The following ENTREP2 variants were observed in gnomAD, a reference collection of about 807,000 sequenced individuals.
ENTREP2 encodes the protein protein ENTREP2.
the ENTREP2 span, among the ~76,000 whole-genome samples, chr15:29,611,820 C>T: frequency 6.6e-6 from 1 of 152,194 alleles, no homozygotes; most frequent in Non-Finnish European, 1.5e-5. Context: ...TCGCATCATT[C>T]AGGAAGCTTC....
At chr15:29,169,290 A>T in the ENTREP2 span, among the ~76,000 whole-genome samples, 1 of 152,238 alleles carries the variant, frequency 6.6e-6, no homozygotes, top group African/African-American at 2.4e-5. Flanking sequence ...GGAATGAAGA[A>T]AATAAACAAG....
At chr15:29,551,693 TAAAAA>T in the ENTREP2 span, among the ~76,000 whole-genome samples, 1 of 144,198 alleles carries the variant, frequency 6.9e-6, no homozygotes, top group African/African-American at 2.6e-5. Context: ...AATGCCTATT[TAAAAA>T]AAAAAAAAAG....
At chr15:29,344,931 G>GAC in the ENTREP2 span, among the ~76,000 whole-genome samples, 24,013 of 142,480 alleles carry the variant, frequency 0.17, 1,860 homozygotes, top group African/African-American at 0.18. Context: ...CACGCGCGCA[G>GAC]ACACACACAC....
At chr15:29,565,685 C>T in the ENTREP2 span, among the ~76,000 whole-genome samples, 5 of 152,184 alleles carry the variant, frequency 3.3e-5, no homozygotes, top group African/African-American at 1.2e-4. Context: ...ATTTTCCGGC[C>T]GGGTGCGGTG....
chr15:29,410,648 C>T, the ENTREP2 span, among the ~76,000 whole-genome samples: 2 of 152,320 alleles, frequency 1.3e-5, no homozygotes, highest in East Asian at 3.9e-4. Flanking sequence ...GCTAGTCCTG[C>T]TCTCAGTCTG....
chr15:29,132,236 G>C, the ENTREP2 span, among the ~76,000 whole-genome samples: 1 of 152,242 alleles, frequency 6.6e-6, no homozygotes, highest in Non-Finnish European at 1.5e-5. Flanking sequence ...TTGCTGTCTA[G>C]TCAGAGGGGC....
chr15:29,628,626 C>A, the ENTREP2 span, among the ~76,000 whole-genome samples: 913 of 152,280 alleles, frequency 6.0e-3, 9 homozygotes, highest in African/African-American at 0.021. Context: ...AAGTACCCAA[C>A]CATAATTGGG....
chr15:29,640,687 A>G, the ENTREP2 span, among the ~76,000 whole-genome samples: 2 of 152,066 alleles, frequency 1.3e-5, no homozygotes, highest in African/African-American at 4.8e-5. Context: ...AAAACCAAAA[A>G]GAAAAGAAAA....
the ENTREP2 span, among the ~76,000 whole-genome samples, chr15:29,605,383 GC>G: frequency 6.6e-6 from 1 of 152,130 alleles, no homozygotes; most frequent in Non-Finnish European, 1.5e-5. Context: ...GACAGTCTAT[GC>G]ATACACAAAT....
chr15:29,489,771 A>G, the ENTREP2 span, among the ~76,000 whole-genome samples: 2 of 152,124 alleles, frequency 1.3e-5, no homozygotes, highest in Non-Finnish European at 2.9e-5. Context: ...GCCGTCCACA[A>G]AGCTAGGCAC....
At chr15:29,257,992 A>G in the ENTREP2 span, among the ~76,000 whole-genome samples, 4 of 152,044 alleles carry the variant, frequency 2.6e-5, no homozygotes, top group Non-Finnish European at 5.9e-5. Flanking sequence ...CGGGTGAATC[A>G]TGAGGTCAGG....
the ENTREP2 span, among the ~76,000 whole-genome samples, chr15:29,366,641 T>G: frequency 3.3e-5 from 5 of 152,164 alleles, no homozygotes; most frequent in Non-Finnish European, 7.4e-5. Context: ...ATCACTAGAA[T>G]TTCAGAAAAA....
chr15:29,232,240 AT>A, the ENTREP2 span, among the ~76,000 whole-genome samples: 91 of 152,198 alleles, frequency 6.0e-4, no homozygotes, highest in African/African-American at 2.1e-3. Flanking sequence ...TTTCTAATTG[AT>A]TTTAAAATTA....
At chr15:29,402,787 G>C in the ENTREP2 span, among the ~76,000 whole-genome samples, 44 of 152,306 alleles carry the variant, frequency 2.9e-4, no homozygotes, top group Non-Finnish European at 4.7e-4. Context: ...CAGACAGTGA[G>C]ATTTTGGCTT....
chr15:29,388,733 G>A, the ENTREP2 span, among the ~76,000 whole-genome samples: 4 of 152,134 alleles, frequency 2.6e-5, no homozygotes, highest in African/African-American at 7.2e-5. Flanking sequence ...ATCAATGATA[G>A]ACTGGATTAA....
the ENTREP2 span, among the ~76,000 whole-genome samples, chr15:29,633,384 A>G: frequency 6.6e-6 from 1 of 152,312 alleles, no homozygotes; most frequent in South Asian, 2.1e-4. Context: ...CCATAGATCT[A>G]TAAGATGTAT....
At chr15:29,185,128 G>C in the ENTREP2 span, among the ~76,000 whole-genome samples, 1 of 151,814 alleles carries the variant, frequency 6.6e-6, no homozygotes, top group African/African-American at 2.4e-5. Flanking sequence ...GAAAATATGA[G>C]AATAATATAA....
chr15:29,160,987 G>A, the ENTREP2 span, among the ~76,000 whole-genome samples: 1 of 152,050 alleles, frequency 6.6e-6, no homozygotes, highest in African/African-American at 2.4e-5. Context: ...ATAAGGGATG[G>A]GTGTTGGGCT....
chr15:29,336,230 G>C, the ENTREP2 span, among the ~76,000 whole-genome samples: 1 of 151,482 alleles, frequency 6.6e-6, no homozygotes, highest in Non-Finnish European at 1.5e-5. Context: ...CACAGCCAAT[G>C]ATAATTGGAT....
Sources: gnomAD v4.1 joint callset for allele counts (sites outside exome capture counted in the v4.1 genomes callset) on GRCh38, gnomAD v4.1.1 for gene constraint, MANE v1.5 for transcripts, NCBI Gene and HGNC (gene_info 2026-07-23, HGNC 2026-07-21) for gene names.